Variants in CDK14 observed in about 807,000 individuals in gnomAD.
CDK14 encodes cyclin dependent kinase 14.
CDK14 carries 34 observed loss-of-function variants against 60.7 expected under a neutral mutation model. The ratio of observed to expected loss-of-function variants is 0.56; its 90% confidence interval spans 0.43 to 0.75. The LOEUF is 0.75. Ranked by LOEUF, CDK14 falls within the 30% of genes least tolerant of loss-of-function variation. The probability of loss-of-function intolerance (pLI) is 0.00; values close to 1 mark genes in which losing one functional copy is unlikely to be tolerated. For missense variants in CDK14, 482 were observed against 564.1 expected (o/e 0.85, Z 1.47); for synonymous variants, 197 against 203.7 (o/e 0.97, Z 0.28).
At chr7:91,010,415 T>C (rs375864401) in intron 10 of CDK14, among the ~76,000 whole-genome samples, 3 of 152,128 alleles carry the variant, frequency 2.0e-5, no homozygotes, top group Non-Finnish European at 4.4e-5. Flanking sequence ...TCTCTCAATG[T>C]ATTTATTCTA....
chr7:91,118,171 C>T lies in CDK14; in HGVS notation c.1401C>T (p.Ser467=), dbSNP rs1350480002. Residue 467 remains serine (S), a synonymous_variant, in exon 14 of 15, where the codon AGC becomes AGT. Transcript: ENST00000380050. ...GTTATGGCAAAAGTCTATCAAACAG[C>T]AAGCACTGACAAGCAGCACATTCTC... The part of the protein sequence containing the change: ...NNSYGKSLSN[S]KH 1.9e-6 allele frequency: 3 copies of T among 1,597,110 alleles called. No homozygotes were observed. In the Admixed American group the frequency reaches 5.0e-5, roughly 27 times the overall value.
chr7:90,984,097 C>A, intron 9 of CDK14, 51 bp from the exon 10 acceptor site: 1 of 1,176,402 alleles, frequency 8.5e-7, no homozygotes, highest in Non-Finnish European at 1.3e-6. Flanking sequence ...ATTTAGTTTT[C>A]CTAAGCAGAA....
chr7:90,643,935 CTTCAAAATTCGTA>C lies in CDK14; in HGVS notation c.123+39688_123+39700del, dbSNP rs375286216. Among the ~76,000 whole-genome samples, 143 of 152,284 alleles carry C rather than the reference CTTCAAAATTCGTA, an allele frequency of 9.4e-4. 1 individual carries two copies. Among genetic ancestry groups the C allele is most frequent in the African/African-American group, 3.2e-3 (131 of 41,564 alleles). ...TTGGTATGGACTGAATTGTTTCTCC[CTTCAAAATTCGTA>C]TATTGAAGCGCCAGTCTCCAATGTG... is the stretch of plus-strand genomic sequence containing the variant. On this transcript the variant is annotated intron_variant, in intron 2 of 14. Transcript: ENST00000380050.
chr7:90,751,877 A>G (rs1361955612), intron 4 of CDK14, among the ~76,000 whole-genome samples: 1 of 152,210 alleles, frequency 6.6e-6, no homozygotes, highest in African/African-American at 2.4e-5. Context: ...AGGGGTCACT[A>G]TTTTTATATC....
intron 3 of CDK14, among the ~76,000 whole-genome samples, chr7:90,732,762 T>C (rs1802921899): frequency 6.8e-6 from 1 of 148,056 alleles, no homozygotes; most frequent in Non-Finnish European, 1.5e-5. Flanking sequence ...TAGAGGTCTA[T>C]CTATTTTGTT....
At chr7:91,011,247 G>T (rs1796151026) in intron 10 of CDK14, among the ~76,000 whole-genome samples, 1 of 152,038 alleles carries the variant, frequency 6.6e-6, no homozygotes, top group Non-Finnish European at 1.5e-5. Context: ...CCTGAGGCAT[G>T]ATACTAGGTG....
intron 9 of CDK14, among the ~76,000 whole-genome samples, chr7:90,965,743 T>G (rs568102851): frequency 1.3e-5 from 2 of 152,340 alleles, no homozygotes; most frequent in East Asian, 3.9e-4. Flanking sequence ...TATTCTACTC[T>G]CACAAATGAT....
At chr7:91,080,645 A>G in intron 12 of CDK14, among the ~76,000 whole-genome samples, 1 of 152,202 alleles carries the variant, frequency 6.6e-6, no homozygotes, top group South Asian at 2.1e-4. Context: ...TTTATACACC[A>G]GATAATATAT....
chr7:90,681,063 GCAT>G (rs901768021), intron 2 of CDK14, among the ~76,000 whole-genome samples: 5 of 152,164 alleles, frequency 3.3e-5, no homozygotes, highest in Non-Finnish European at 7.3e-5. Context: ...TTACAAGAGT[GCAT>G]CAAGGCCAGA....
chr7:90,691,837 A>G (rs1801558972), intron 2 of CDK14, among the ~76,000 whole-genome samples: 1 of 152,174 alleles, frequency 6.6e-6, no homozygotes, highest in Non-Finnish European at 1.5e-5. Context: ...AGTATTTGCT[A>G]ACAGATTGGA....
chr7:91,173,785 G>A (rs1304343916), intron 14 of CDK14, among the ~76,000 whole-genome samples: 5 of 152,170 alleles, frequency 3.3e-5, no homozygotes, highest in East Asian at 1.9e-4. Context: ...ATTATATCCC[G>A]CACCTGGCTC....
intron 11 of CDK14, among the ~76,000 whole-genome samples, chr7:91,053,642 C>T (rs1466015858): frequency 6.6e-6 from 1 of 152,236 alleles, no homozygotes; most frequent in Non-Finnish European, 1.5e-5. Context: ...TTAACACATA[C>T]TATCGGAACT....
chr7:90,946,916 C>G (rs1794118982), intron 8 of CDK14, among the ~76,000 whole-genome samples: 1 of 152,206 alleles, frequency 6.6e-6, no homozygotes, highest in African/African-American at 2.4e-5. Flanking sequence ...TCACAGCCTT[C>G]TAGCTTACTG....
At chr7:91,087,207 A>G (rs1278467120) in intron 12 of CDK14, among the ~76,000 whole-genome samples, 1 of 152,200 alleles carries the variant, frequency 6.6e-6, no homozygotes, top group Non-Finnish European at 1.5e-5. Context: ...GAGACTTTAT[A>G]ATACTGGGGC....
intron 7 of CDK14, among the ~76,000 whole-genome samples, chr7:90,905,588 C>T (rs934655031): frequency 3.3e-5 from 5 of 152,052 alleles, no homozygotes; most frequent in East Asian, 3.9e-4. Context: ...CCAGGACCAG[C>T]GTCCTGGATC....
chr7:90,811,779 A>G (rs1376917978), intron 5 of CDK14, among the ~76,000 whole-genome samples: 2 of 152,138 alleles, frequency 1.3e-5, no homozygotes, highest in Middle Eastern at 3.2e-3. Context: ...AAGAAAAAAC[A>G]AACAACCCCA....
chr7:90,778,467 C>T (rs954198710), intron 4 of CDK14, among the ~76,000 whole-genome samples: 4 of 152,324 alleles, frequency 2.6e-5, no homozygotes, highest in Non-Finnish European at 4.4e-5. Context: ...ACTGCCCTTC[C>T]GGCTCCCACT....
rs17866277 is a variant in CDK14, at chr7:90,604,239, C to G, written c.113C>G (p.Thr38Ser). 1,713 of 1,538,600 alleles carry G rather than the reference C, an allele frequency of 1.1e-3. 15 individuals are homozygous for G. The African/African-American group carries it at 0.017, about 15-fold the overall frequency. Residue 38 changes from threonine to serine, a missense_variant, in exon 2 of 15, where the codon ACC (threonine) becomes AGC (serine). By Grantham distance (58) the Thr-to-Ser change is moderately conservative (BLOSUM62 1). Transcript: ENST00000380050. ...ATAGCTTTGAAGAAAGATGACACCA[C>G]CTTTGATGAGGTAGGTTAAATTTCT... ...SRIALKKDDT[T>S]FDEICVTKMS...
intron 10 of CDK14, among the ~76,000 whole-genome samples, chr7:91,042,373 C>T (rs1797116531): frequency 6.6e-6 from 1 of 152,108 alleles, no homozygotes; most frequent in Admixed American, 6.5e-5. Flanking sequence ...CAGGGAGACT[C>T]AAGCCTCCCT....
Sources: gnomAD v4.1 joint callset for allele counts (sites outside exome capture counted in the v4.1 genomes callset) on GRCh38, gnomAD v4.1.1 for gene constraint, MANE v1.5 for transcripts, NCBI Gene and HGNC (gene_info 2026-07-23, HGNC 2026-07-21) for gene names.